KRT6A: variants seen among roughly 807,000 people sequenced by gnomAD.
KRT6A encodes keratin 6A.
KRT6A carries 28 observed loss-of-function variants against 48.6 expected under a neutral mutation model. That is an observed-to-expected ratio of 0.58 (90% CI 0.43 to 0.79). KRT6A has a LOEUF of 0.79. Among genes scored for constraint, KRT6A ranks in the 30% least tolerant of loss-of-function variants. KRT6A has a pLI of 0.00. For missense variants in KRT6A, 687 were observed against 724.3 expected (o/e 0.95, Z 0.59); for synonymous variants, 301 against 294.2 (o/e 1.02, Z -0.24).
chr12:52,489,857 A>G (rs1938225807), intron 6 of KRT6A, 86 bp downstream of exon 6: 2 of 1,607,120 alleles, frequency 1.2e-6, no homozygotes, highest in African/African-American at 2.7e-5. Flanking sequence ...GATAAGTTCC[A>G]GGGGATTTTC....
rs370449551 is a variant in KRT6A at position 52,488,313 on chromosome 12, G to A, written c.1424+15C>T. The A allele has an allele frequency of 1.2e-5, 19 of 1,614,172 alleles. No homozygotes were observed. The highest frequency in any genetic ancestry group is 7.7e-5 in the South Asian group (7 of 91,084). On this transcript the variant is annotated intron_variant, in intron 7 of 8. Coordinates refer to ENST00000330722, the MANE Select transcript of KRT6A (RefSeq NM_005554.4). The stretch of plus-strand genomic sequence containing the variant: ...ATGGACTCAGCTGTTGAAGGAGTTC[G>A]TGTCAGTTACCCACCTGCACTCCTC...
At position 52,490,391 on chromosome 12, in the gene KRT6A, C is replaced by G. The variant is rs1255976095; in HGVS notation, c.1077+178G>C. 9 of 1,180,862 alleles carry G rather than the reference C, an allele frequency of 7.6e-6. No homozygotes were observed. The East Asian group carries it at 1.2e-4, about 16-fold the overall frequency. 73.1% of individuals were successfully genotyped at this position (1,180,862 alleles called of 1,614,324 possible). On this transcript the variant is annotated intron_variant, in intron 5 of 8. Transcript: ENST00000330722. Reference sequence around the variant, plus strand: ...GGTAGCTTTCCTCCTGCATTGGGTTCTTTTTCCTTCTTGACTTGGGCATAA... The same window carrying G: ...GGTAGCTTTCCTCCTGCATTGGGTTGTTTTTCCTTCTTGACTTGGGCATAA...
Position 52,491,748 on chromosome 12 carries a change from A to G in KRT6A, c.541-12T>C. 3 of 1,609,280 alleles carry G rather than the reference A, an allele frequency of 1.9e-6. No individual in the cohort carries two copies. The highest frequency in any genetic ancestry group is 1.7e-5 in the Admixed American group (1 of 59,976). ...TCCAGGAACCGCACCTGAAAGAGAG[A>G]CAAGATGATCATTTTCCAGGCAAGG... On this transcript the variant is annotated splice_polypyrimidine_tract_variant and intron_variant, in intron 1 of 8. Transcript: ENST00000330722.
chr12:52,489,004 C>T (rs1938202665), intron 6 of KRT6A, among the ~76,000 whole-genome samples: 2 of 152,228 alleles, frequency 1.3e-5, no homozygotes, highest in African/African-American at 4.8e-5. Flanking sequence ...CTCTCATCTA[C>T]TGTTCTTTGT....
chr12:52,491,061 G>A, intron 3 of KRT6A, 51 bp downstream of exon 3: 1 of 1,613,886 alleles, frequency 6.2e-7, no homozygotes, highest in Non-Finnish European at 8.5e-7. Context: ...AGGACACAAA[G>A]CCACTTCTCT....
Position 52,488,513 on chromosome 12 carries a change from C to G in KRT6A, c.1239G>C (p.Glu413Asp), listed in dbSNP as rs1170851966. Reference protein sequence around the residue: ...ANLQAAIADAEQRGEMALKDA... With the variant: ...ANLQAAIADADQRGEMALKDA... The stretch of plus-strand genomic sequence containing the variant: ...CCTTGAGGGCCATCTCCCCACGCTG[C>G]TCAGCATCAGCAATGGCGGCCTGCA... Residue 413 changes from glutamate (E) to aspartate (D), a missense_variant, in exon 7 of 9, where the codon GAG (glutamate) becomes GAC (aspartate). Glu to Asp is a conservative substitution (Grantham distance 45). Around this residue, in one of 3 missense-constraint regions of KRT6A, gnomAD observed 566 missense variants for 565.3 expected, o/e 1.00. Transcript: ENST00000330722. 1 of 1,614,132 alleles carries G rather than the reference C, an allele frequency of 6.2e-7. No homozygotes were observed. The highest frequency in any genetic ancestry group is 1.1e-5 in the South Asian group (1 of 91,074).
At chr12:52,491,063 C>T (rs749408804) in intron 3 of KRT6A, 49 bp downstream of exon 3, 5 of 1,613,768 alleles carry the variant, frequency 3.1e-6, no homozygotes, top group East Asian at 2.2e-5. Context: ...GACACAAAGC[C>T]ACTTCTCTCC....
At position 52,491,503 on chromosome 12, in the gene KRT6A, T is replaced by C. The variant is rs1452622320; in HGVS notation, c.755+19A>G. 2 of 1,612,702 alleles carry C rather than the reference T, an allele frequency of 1.2e-6. No homozygotes were observed. Among genetic ancestry groups the C allele is most frequent in the South Asian group, 1.1e-5 (1 of 91,038 alleles). On this transcript the variant is annotated intron_variant, in intron 2 of 8. Coordinates refer to ENST00000330722, the MANE Select transcript of KRT6A (RefSeq NM_005554.4). ...TGTGTGCTGCAGGAAACTGAGTCCA[T>C]TTCTCCTGTTTAACTCACTTGTTCT...
In KRT6A at chr12:52,490,178, T is replaced by C. The variant is rs760606122; in HGVS notation, c.1078-110A>G. 3.8e-4 allele frequency: 612 copies of C among 1,603,826 alleles called. 4 individuals are homozygous for C. Among genetic ancestry groups the C allele is most frequent in the East Asian group, 2.5e-4 (11 of 44,714 alleles). On this transcript the variant is annotated intron_variant, in intron 5 of 8. Coordinates refer to ENST00000330722, the MANE Select transcript of KRT6A (RefSeq NM_005554.4). Reference sequence around the variant, plus strand: ...ATGAAGTGGACCTAAAGGCTTCTCCTCAAGAAACTTGAGGAAAAGTTGATA... The same window carrying C: ...ATGAAGTGGACCTAAAGGCTTCTCCCCAAGAAACTTGAGGAAAAGTTGATA...
Position 52,487,713 on chromosome 12 carries a change from A to G in KRT6A, c.*7T>C, listed in dbSNP as rs1443733913. Reference sequence around the variant, plus strand: ...GGACTGTGGGACCGAGAGCTAGCAGACGCACTTTAGTGCTTATAGCTCTTC... The same window carrying G: ...GGACTGTGGGACCGAGAGCTAGCAGGCGCACTTTAGTGCTTATAGCTCTTC... On this transcript the variant is annotated 3_prime_UTR_variant, in exon 9 of 9. Transcript: ENST00000330722. 3 of 1,614,072 alleles carry G rather than the reference A, an allele frequency of 1.9e-6. No individual in the cohort carries two copies. The East Asian group carries it at 6.7e-5, about 36-fold the overall frequency.
rs560395552 is a variant in KRT6A at position 52,487,763 on chromosome 12, T to C, written c.1652A>G (p.Tyr551Cys). Residue 551 changes from tyrosine (Y) to cysteine (C), a missense_variant, in exon 9 of 9, where the codon TAC becomes TGC. Tyr to Cys is a radical substitution (Grantham distance 194). This residue lies in a region of KRT6A where 566 missense variants were observed against 565.3 expected (regional missense o/e 1.00). Transcript: ENST00000330722. The stretch of plus-strand genomic sequence containing the variant: ...CCTGCTGGAGGAGGAGGTGGTGGTG[T>C]ACTTGATGGTGGAACTGCCGCCTCC... ...SVGGGSSTIK[Y>C]TTTSSSSRKS... is the part of the protein sequence containing the mutation. The C allele has an allele frequency of 3.1e-6, 5 of 1,614,072 alleles. No homozygotes were observed. Among genetic ancestry groups the C allele is most frequent in the African/African-American group, 1.3e-5 (1 of 75,028 alleles).
rs1380974829 is a variant in KRT6A at position 52,491,192 on chromosome 12, G to A, written c.756-20C>T. The A allele has an allele frequency of 1.2e-6, 2 of 1,613,920 alleles. No homozygotes were observed. Among genetic ancestry groups the A allele is most frequent in the Middle Eastern group, 1.7e-4 (1 of 6,056 alleles). On this transcript the variant is annotated intron_variant, in intron 2 of 8. Transcript: ENST00000330722. The stretch of plus-strand genomic sequence containing the variant: ...TCATATCTACAGGAAGAAAGGCATG[G>A]GACACATTTGAGCCAGTGGGTAGGA...
chr12:52,488,071 A>G lies in KRT6A; in HGVS notation c.1457T>C (p.Ile486Thr). The G allele has an allele frequency of 1.2e-6, 2 of 1,614,064 alleles. No individual in the cohort carries two copies. Among genetic ancestry groups the G allele is most frequent in the Non-Finnish European group, 8.5e-7 (1 of 1,179,946 alleles). Residue 486 changes from isoleucine (I) to threonine (T), a missense_variant and splice_region_variant, in exon 8 of 9, where the codon ATC becomes ACC. Ile to Thr is a moderately conservative substitution (Grantham distance 89, BLOSUM62 -1). Transcript: ENST00000330722. ...GGAAGGCAAGCAAAGGTACTTACAG[A>G]TGTTGACTTGTCCAACGCCTTCGCC... ...LNGEGVGQVNISVVQSTVSSG... is the reference protein window; with the variant it reads ...LNGEGVGQVNTSVVQSTVSSG...
chr12:52,488,615 T>C, intron 6 of KRT6A, 67 bp from the exon 7 acceptor site: 1 of 1,472,096 alleles, frequency 6.8e-7, no homozygotes, highest in Non-Finnish European at 9.0e-7. Flanking sequence ...ACCTGGCTGG[T>C]TATTTCCTAG....
Position 52,487,588 on chromosome 12 carries a change from G to T in KRT6A, c.*132C>A. The T allele has an allele frequency of 1.9e-6, 2 of 1,067,608 alleles. No individual in the cohort carries two copies. The highest frequency in any genetic ancestry group is 2.8e-6 in the Non-Finnish European group (2 of 718,920). 66.1% of individuals were successfully genotyped at this position (1,067,608 alleles called of 1,614,324 possible). A position where few individuals can be genotyped will look rare whatever the true frequency, so the allele number is the denominator to read the frequency against. ...GAGAGAGAAGAAGTGAGGGCACTAA[G>T]CATCCATACCCAGCTCTACCTGGGA... On this transcript the variant is annotated 3_prime_UTR_variant, in exon 9 of 9. Coordinates refer to ENST00000330722, the MANE Select transcript of KRT6A (RefSeq NM_005554.4).
intron 1 of KRT6A, 126 bp from the exon 2 acceptor site, chr12:52,491,862 C>T (rs1938272785): frequency 1.6e-6 from 2 of 1,274,566 alleles, no homozygotes; most frequent in Non-Finnish European, 2.2e-6. Flanking sequence ...TGTAGAGAGG[C>T]TCAGGCTGAG....
chr12:52,490,413 A>G, intron 5 of KRT6A, 156 bp downstream of exon 5: 1 of 1,342,474 alleles, frequency 7.4e-7, no homozygotes, highest in South Asian at 1.2e-5. Flanking sequence ...TGACTTGGGC[A>G]TAAGTTCTGC....
chr12:52,488,720 G>T (rs1938198487), intron 6 of KRT6A, among the ~76,000 whole-genome samples, 172 bp from the exon 7 acceptor site: 2 of 151,942 alleles, frequency 1.3e-5, no homozygotes, highest in Admixed American at 1.3e-4. Flanking sequence ...GTCCAGTCTG[G>T]TTCATTTGAC....
intron 6 of KRT6A, among the ~76,000 whole-genome samples, chr12:52,489,468 G>A (rs769516246): frequency 1.3e-5 from 2 of 151,966 alleles, no homozygotes; most frequent in Non-Finnish European, 2.9e-5. Flanking sequence ...TTTAATAGAG[G>A]CGGCGTTTCA....
Sources: allele counts gnomAD v4.1 joint callset (sites outside exome capture counted in the v4.1 genomes callset), GRCh38; gene constraint gnomAD v4.1.1; regional missense constraint gnomAD v4.1.1; transcripts MANE v1.5; gene names NCBI Gene and HGNC (gene_info 2026-07-23, HGNC 2026-07-21).